The following WWTR1 variants were observed in gnomAD, a reference collection of about 807,000 sequenced individuals.
WWTR1 encodes the protein WW domain containing transcription regulator 1.
Under a neutral mutation model 40.1 loss-of-function variants are expected in WWTR1, and 13 were observed. That is an observed-to-expected ratio of 0.32 (90% CI 0.21 to 0.52). The LOEUF (loss-of-function observed/expected upper bound fraction) is 0.52, where lower values mean the gene tolerates loss of function less well. Ranked by LOEUF, WWTR1 falls within the 20% of genes least tolerant of loss-of-function variation. WWTR1 has a pLI of 0.97. For missense variants in WWTR1, 436 were observed against 523.1 expected, an observed-to-expected ratio of 0.83 and a Z score of 1.63; for synonymous variants, 230 against 210.1, an observed-to-expected ratio of 1.09 and a Z score of -0.82.
At chr3:149,548,110 T>C (rs180785113) in intron 3 of WWTR1, among the ~76,000 whole-genome samples, 1 of 152,010 alleles carries the variant, frequency 6.6e-6, no homozygotes, top group Non-Finnish European at 1.5e-5. Context: ...TAGTGCTGCC[T>C]GGGGCAATAT....
intron 6 of WWTR1, 75 bp downstream of exon 6, chr3:149,525,938 A>AT: frequency 1.2e-6 from 1 of 842,550 alleles, no homozygotes; most frequent in Non-Finnish European, 1.7e-6. Flanking sequence ...TAAAAGAAAA[A>AT]TAAAATTGAG....
chr3:149,710,365 T>C (rs1028649057), intron 5 of WWTR1, among the ~76,000 whole-genome samples: 1 of 152,134 alleles, frequency 6.6e-6, no homozygotes, highest in African/African-American at 2.4e-5. Context: ...TCATTGCAGT[T>C]AAGGGCTCTA....
At chr3:149,706,695 G>A (rs1242526499), upstream of WWTR1, among the ~76,000 whole-genome samples, 5 of 152,108 alleles carry the variant, frequency 3.3e-5, no homozygotes, top group Non-Finnish European at 4.4e-5. Flanking sequence ...GAGCAAGAGG[G>A]AACAAGGAGA....
intron 2 of WWTR1, among the ~76,000 whole-genome samples, chr3:149,621,963 A>G (rs1012334823): frequency 6.6e-6 from 1 of 152,156 alleles, no homozygotes; most frequent in African/African-American, 2.4e-5. Context: ...CCTTATCTTT[A>G]TTTCAACTCT....
intron 5 of WWTR1, among the ~76,000 whole-genome samples, chr3:149,711,032 C>T (rs1715466449): frequency 6.6e-6 from 1 of 152,060 alleles, no homozygotes; most frequent in Admixed American, 6.5e-5. Context: ...CTGATTTACT[C>T]CCCAGTTTAG....
At chr3:149,707,944 T>TTGGTATGGCCA (rs1196927193), upstream of WWTR1, among the ~76,000 whole-genome samples, 5 of 152,094 alleles carry the variant, frequency 3.3e-5, no homozygotes, top group African/African-American at 7.2e-5. Context: ...GCCATACCAA[T>TTGGTATGGCCA]ACTGTTCTCC....
chr3:149,639,705 A>G (rs1712039828), intron 2 of WWTR1, among the ~76,000 whole-genome samples: 2 of 152,124 alleles, frequency 1.3e-5, no homozygotes, highest in African/African-American at 4.8e-5. Flanking sequence ...GAAAAAGTAC[A>G]GAAGTTGGCT....
At chr3:149,708,681 C>T (rs1335518924) in intron 5 of WWTR1, among the ~76,000 whole-genome samples, 1 of 152,160 alleles carries the variant, frequency 6.6e-6, no homozygotes, top group Admixed American at 6.5e-5. Context: ...AATATTCTAG[C>T]ATATGCTATA....
At chr3:149,690,682 C>A (rs971491148) in intron 1 of WWTR1, among the ~76,000 whole-genome samples, 5 of 152,118 alleles carry the variant, frequency 3.3e-5, no homozygotes, top group African/African-American at 1.2e-4. Context: ...GACTTTAGCA[C>A]CCTGCTTTTA....
At chr3:149,588,429 G>A (rs1041616663) in intron 2 of WWTR1, among the ~76,000 whole-genome samples, 2 of 152,108 alleles carry the variant, frequency 1.3e-5, no homozygotes, top group Non-Finnish European at 2.9e-5. Flanking sequence ...ACCAATACAA[G>A]TATGCAGAAT....
intron 1 of WWTR1, among the ~76,000 whole-genome samples, chr3:149,675,690 T>C (rs533925848): frequency 6.6e-6 from 1 of 151,790 alleles, no homozygotes; most frequent in South Asian, 2.1e-4. Flanking sequence ...GGAAGTGGAG[T>C]GAAGGAGTAA....
intron 6 of WWTR1, among the ~76,000 whole-genome samples, chr3:149,521,625 A>T (rs764848568): frequency 3.9e-5 from 6 of 152,222 alleles, no homozygotes; most frequent in Non-Finnish European, 7.3e-5. Flanking sequence ...TCCTAAACCC[A>T]TTTAATCACC....
chr3:149,644,976 C>T (rs1489762879), intron 2 of WWTR1, among the ~76,000 whole-genome samples: 2 of 152,200 alleles, frequency 1.3e-5, no homozygotes, highest in African/African-American at 4.8e-5. Flanking sequence ...TCTCAGCCTC[C>T]CAGGTAACTG....
intron 2 of WWTR1, among the ~76,000 whole-genome samples, chr3:149,642,374 C>T (rs977065414): frequency 9.9e-5 from 15 of 151,684 alleles, no homozygotes; most frequent in Admixed American, 1.3e-4. Context: ...GAACTGAGAT[C>T]GCATCAATGC....
intron 3 of WWTR1, among the ~76,000 whole-genome samples, chr3:149,551,724 A>T (rs1323930284): frequency 6.9e-6 from 1 of 145,412 alleles, no homozygotes; most frequent in Non-Finnish European, 1.5e-5. Flanking sequence ...CTCCAGGCCT[A>T]TGGCCATCCA....
chr3:149,655,295 A>C (rs950445741), intron 2 of WWTR1, among the ~76,000 whole-genome samples: 17 of 150,566 alleles, frequency 1.1e-4, no homozygotes, highest in Non-Finnish European at 3.0e-5. Context: ...AAATACAAAA[A>C]TTAGCCAGGC....
intron 2 of WWTR1, among the ~76,000 whole-genome samples, chr3:149,586,071 C>T (rs1738407446): frequency 6.6e-6 from 1 of 152,142 alleles, no homozygotes; most frequent in Admixed American, 6.5e-5. Flanking sequence ...TTTTACTTAA[C>T]AAAGTACAAA....
rs773074765 is a variant in WWTR1, at chr3:149,542,518, C to T, written c.588G>A (p.Gln196=). The part of the protein sequence containing the change: ...QPNLVMNHQH[Q]QQMAPSTLSQ... Reference sequence around the variant, plus strand: ...TCAGGGTACTGGGGGCCATCTGCTGCTGGTGTTGGTGATTCATCACTGCAA... The same window carrying T: ...TCAGGGTACTGGGGGCCATCTGCTGTTGGTGTTGGTGATTCATCACTGCAA... The change falls in exon 4 of 7, where the codon CAG becomes CAA. Residue 196 remains glutamine (Q), a synonymous_variant. Coordinates refer to ENST00000360632, the MANE Select transcript of WWTR1 (RefSeq NM_015472.6). The T allele has an allele frequency of 2.5e-6, 4 of 1,612,568 alleles. No homozygotes were observed. Among genetic ancestry groups the T allele is most frequent in the South Asian group, 1.1e-5 (1 of 90,676 alleles).
At chr3:149,649,292 A>G (rs1712709888) in intron 2 of WWTR1, among the ~76,000 whole-genome samples, 1 of 152,070 alleles carries the variant, frequency 6.6e-6, no homozygotes, top group Non-Finnish European at 1.5e-5. Context: ...GCGCCCAGCC[A>G]AGTTCAAATG....
Sources: gnomAD v4.1 joint callset for allele counts (sites outside exome capture counted in the v4.1 genomes callset) on GRCh38, gnomAD v4.1.1 for gene constraint, MANE v1.5 for transcripts, NCBI Gene and HGNC (gene_info 2026-07-23, HGNC 2026-07-21) for gene names.